The following ERC2 variants were observed in gnomAD, a reference collection of about 807,000 sequenced individuals.
ERC2 encodes ERC protein 2.
Under a neutral mutation model 114.8 loss-of-function variants are expected in ERC2, and 42 were observed. The observed-to-expected ratio is 0.37, with a 90% CI of 0.29 to 0.47. The LOEUF (loss-of-function observed/expected upper bound fraction) is 0.47. Among genes scored for constraint, ERC2 ranks in the 20% least tolerant of loss-of-function variants. The pLI, the probability that ERC2 is intolerant of heterozygous loss-of-function variation, is 0.99. For missense variants in ERC2, 939 were observed against 1,150.7 expected (o/e 0.82, Z 2.66); for synonymous variants, 454 against 425.5 (o/e 1.07, Z -0.82).
rs564942589 is a variant in ERC2, at chr3:56,413,746, A to C, written c.657+20605T>G. 2.7e-4 allele frequency among the ~76,000 whole-genome samples: 41 copies of C among 152,310 alleles called. No homozygotes were observed. The South Asian group carries it at 7.7e-3, about 28-fold the overall frequency. Reference sequence around the variant, plus strand: ...TTGCACAGTGCCTTCTGACTTATTGAATTTCCTAACACTCTTCTGAATGAT... The same window carrying C: ...TTGCACAGTGCCTTCTGACTTATTGCATTTCCTAACACTCTTCTGAATGAT... On this transcript the variant is annotated intron_variant, in intron 2 of 17. Transcript: ENST00000288221.
At chr3:56,035,038 T>C (rs2074702185) in intron 7 of ERC2, among the ~76,000 whole-genome samples, 1 of 151,998 alleles carries the variant, frequency 6.6e-6, no homozygotes, top group South Asian at 2.1e-4. Flanking sequence ...ACTAAGAGTT[T>C]GCTTTTTGAA....
intron 17 of ERC2, among the ~76,000 whole-genome samples, chr3:55,608,727 G>A (rs572278185): frequency 6.6e-6 from 1 of 152,276 alleles, no homozygotes; most frequent in South Asian, 2.1e-4. Context: ...CATTTTAAGT[G>A]CCGTAATTAC....
intron 13 of ERC2, among the ~76,000 whole-genome samples, chr3:55,892,126 G>C (rs375154986): frequency 2.6e-4 from 40 of 152,244 alleles, no homozygotes; most frequent in African/African-American, 9.6e-4. Context: ...AGATGATTAT[G>C]GGCACATTAA....
rs144773416 is a variant in ERC2 at position 55,782,804 on chromosome 3, C to G, written c.2565-47886G>C. Among the ~76,000 whole-genome samples the G allele has an allele frequency of 2.3e-3, 356 of 152,304 alleles. 1 individual carries two copies. Among genetic ancestry groups the G allele is most frequent in the African/African-American group, 8.2e-3 (340 of 41,576 alleles). On this transcript the variant is annotated intron_variant, in intron 14 of 17. Transcript: ENST00000288221. Reference sequence around the variant, plus strand: ...AGGATCATCTTCTCAAGATGCAAATCAGGTCAAATCACCTTCCAGCTTGGA... The same window carrying G: ...AGGATCATCTTCTCAAGATGCAAATGAGGTCAAATCACCTTCCAGCTTGGA...
intron 15 of ERC2, among the ~76,000 whole-genome samples, chr3:55,730,802 G>A (rs900623269): frequency 7.2e-5 from 11 of 152,204 alleles, no homozygotes; most frequent in African/African-American, 2.4e-4. Context: ...AGTGAGCTGT[G>A]ATTATACCAC....
intron 1 of ERC2, among the ~76,000 whole-genome samples, chr3:56,444,641 A>C (rs2062477488): frequency 6.6e-6 from 1 of 152,188 alleles, no homozygotes; most frequent in Non-Finnish European, 1.5e-5. Flanking sequence ...GAGAACCTTG[A>C]TTCCTGTCTA....
At chr3:56,259,647 TTGATATGATATGATATGATA>T (rs58550092) in intron 3 of ERC2, among the ~76,000 whole-genome samples, 17 of 144,100 alleles carry the variant, frequency 1.2e-4, no homozygotes, top group Non-Finnish European at 2.0e-4. Context: ...TGGTACAGAT[TTGATATGATATGATATGATA>T]TGATATGATA....
chr3:56,135,772 C>T (rs555884264), intron 6 of ERC2, among the ~76,000 whole-genome samples: 1 of 152,250 alleles, frequency 6.6e-6, no homozygotes, highest in East Asian at 1.9e-4. Context: ...AAATGTTAGG[C>T]CTTAATCCTT....
intron 2 of ERC2, among the ~76,000 whole-genome samples, chr3:56,304,469 A>G (rs1236220098): frequency 1.3e-5 from 2 of 152,220 alleles, no homozygotes; most frequent in African/African-American, 4.8e-5. Context: ...CTGCAAAGAA[A>G]GCCCAGGTGA....
At chr3:56,340,096 T>A (rs751098788) in intron 2 of ERC2, among the ~76,000 whole-genome samples, 38 of 152,206 alleles carry the variant, frequency 2.5e-4, no homozygotes, top group Non-Finnish European at 7.3e-5. Flanking sequence ...ATCCTATGAT[T>A]TGGTAAATAT....
intron 6 of ERC2, among the ~76,000 whole-genome samples, chr3:56,111,967 G>A (rs535079241): frequency 2.0e-5 from 3 of 152,244 alleles, no homozygotes; most frequent in Non-Finnish European, 1.5e-5. Context: ...TACAATATCT[G>A]TACTAATTCT....
At chr3:55,735,257 G>A (rs2065559344) in intron 14 of ERC2, among the ~76,000 whole-genome samples, 1 of 152,190 alleles carries the variant, frequency 6.6e-6, no homozygotes, top group South Asian at 2.1e-4. Flanking sequence ...AATTTGCCAA[G>A]AGTCTTAGTC....
chr3:55,574,924 T>A (rs910477920), intron 17 of ERC2, among the ~76,000 whole-genome samples: 3 of 152,190 alleles, frequency 2.0e-5, no homozygotes, highest in African/African-American at 7.2e-5. Context: ...TGCCCGCTCA[T>A]CCATGGTGGA....
At chr3:56,183,782 G>C (rs2083429429) in intron 3 of ERC2, among the ~76,000 whole-genome samples, 1 of 152,124 alleles carries the variant, frequency 6.6e-6, no homozygotes. Context: ...GTTTCCCAGG[G>C]TTGTTGGAGT....
chr3:55,817,827 C>T (rs1362559221), intron 14 of ERC2, among the ~76,000 whole-genome samples: 1 of 152,186 alleles, frequency 6.6e-6, no homozygotes, highest in Admixed American at 6.5e-5. Flanking sequence ...CACAAACAGC[C>T]TTCAGTAAAT....
intron 3 of ERC2, among the ~76,000 whole-genome samples, chr3:56,260,376 A>G (rs1173329104): frequency 6.6e-6 from 1 of 152,222 alleles, no homozygotes; most frequent in Non-Finnish European, 1.5e-5. Context: ...AGGTTGAATG[A>G]GATGTCGCCA....
intron 3 of ERC2, among the ~76,000 whole-genome samples, chr3:56,222,468 C>A (rs1360471005): frequency 6.6e-6 from 1 of 152,178 alleles, no homozygotes; most frequent in Admixed American, 6.5e-5. Context: ...AACTGTTATT[C>A]TTCTCTCAAT....
intron 12 of ERC2, 83 bp downstream of exon 12, chr3:55,985,894 G>A: frequency 2.4e-6 from 3 of 1,258,300 alleles, no homozygotes; most frequent in Non-Finnish European, 3.4e-6. Context: ...AACCATTTCA[G>A]AAATGTGTTT....
At chr3:55,829,781 T>A (rs1173715017) in intron 14 of ERC2, among the ~76,000 whole-genome samples, 2 of 152,108 alleles carry the variant, frequency 1.3e-5, no homozygotes, top group African/African-American at 4.8e-5. Context: ...TGCCTCAGCC[T>A]CCCAAAGTAC....
Sources: allele counts gnomAD v4.1 joint callset (sites outside exome capture counted in the v4.1 genomes callset), GRCh38; gene constraint gnomAD v4.1.1; transcripts MANE v1.5; gene names NCBI Gene and HGNC (gene_info 2026-07-23, HGNC 2026-07-21).